Variants in C5orf63 observed in about 807,000 individuals in gnomAD.
C5orf63 encodes the protein chromosome 5 open reading frame 63, also known as glutaredoxin-like protein C5orf63.
In C5orf63, 18 loss-of-function variants were observed where a neutral mutation model predicts 13.3. That is an observed-to-expected ratio of 1.36 (90% CI 0.94 to 2.01). The LOEUF (loss-of-function observed/expected upper bound fraction) is 2.01. Ranked by LOEUF, C5orf63 falls within the 30% of genes most tolerant of loss-of-function variation. The probability of loss-of-function intolerance (pLI) is 0.00; values close to 1 mark genes in which losing one functional copy is unlikely to be tolerated. For synonymous variants in C5orf63, 38 were observed against 44.7 expected (o/e 0.85, Z 0.60); for missense variants, 118 against 127.7 (o/e 0.92, Z 0.36).
At chr5:127,072,989 T>TTTCA (rs1410606346) in intron 1 of C5orf63, 1 of 152,202 alleles carries the variant, frequency 6.6e-6, no homozygotes, top group Non-Finnish European at 1.5e-5. Flanking sequence ...CTGCTGCACC[T>TTTCA]TTCAACCTTT....
At chr5:127,064,899 T>G (rs1365543768) in intron 2 of C5orf63, among the ~76,000 whole-genome samples, 1 of 152,220 alleles carries the variant, frequency 6.6e-6, no homozygotes, top group Non-Finnish European at 1.5e-5. Flanking sequence ...GATGACAATT[T>G]CACTGAAGGT....
chr5:127,070,455 C>T (rs1354776673), intron 2 of C5orf63, among the ~76,000 whole-genome samples: 1 of 152,120 alleles, frequency 6.6e-6, no homozygotes, highest in African/African-American at 2.4e-5. Flanking sequence ...TGCTGCAATC[C>T]CATTGGCAAC....
intron 2 of C5orf63, among the ~76,000 whole-genome samples, chr5:127,070,987 T>C (rs1754516149): frequency 6.6e-6 from 1 of 152,250 alleles, no homozygotes; most frequent in Admixed American, 6.5e-5. Flanking sequence ...GACTGCTTTA[T>C]ATTCTTTTCA....
intron 2 of C5orf63, among the ~76,000 whole-genome samples, chr5:127,066,994 G>A (rs769614183): frequency 6.6e-6 from 1 of 152,208 alleles, no homozygotes; most frequent in Non-Finnish European, 1.5e-5. Flanking sequence ...AACAGGGACA[G>A]TGAAACAATC....
downstream of C5orf63, among the ~76,000 whole-genome samples, chr5:127,049,759 A>G (rs574153930): frequency 2.6e-5 from 4 of 152,374 alleles, no homozygotes; most frequent in East Asian, 3.9e-4. Flanking sequence ...TCTGTAAACC[A>G]GAAGTCTATG....
At chr5:127,073,036 T>C (rs1428661700) in intron 1 of C5orf63, 1 of 152,202 alleles carries the variant, frequency 6.6e-6, no homozygotes, top group Non-Finnish European at 1.5e-5. Flanking sequence ...TGCTCAAAAA[T>C]ATTTATTTAA....
downstream of C5orf63, chr5:127,047,385 T>C (rs1561486635): frequency 3.5e-6 from 1 of 288,042 alleles, no homozygotes; most frequent in Non-Finnish European, 6.4e-6. Flanking sequence ...ATAACACTGA[T>C]ACTTGACAGT....
chr5:127,045,968 C>T (rs916493485), exon 5 of C5orf63: 1 of 152,196 alleles, frequency 6.6e-6, no homozygotes, highest in Non-Finnish European at 1.5e-5. Flanking sequence ...TCTCATTTTC[C>T]TTCACTAGCA....
Position 127,052,642 on chromosome 5 carries a change from T to C in C5orf63, c.142A>G (p.Lys48Glu), listed in dbSNP as rs1193324708. 3 of 1,509,878 alleles carry C rather than the reference T, an allele frequency of 2.0e-6. No homozygotes were observed. The highest frequency in any genetic ancestry group is 2.6e-6 in the Non-Finnish European group (3 of 1,137,658). 93.5% of individuals were successfully genotyped at this position (1,509,878 alleles called of 1,614,324 possible). A position where few individuals can be genotyped will look rare whatever the true frequency, so the allele number is the denominator to read the frequency against. The change falls in exon 4 of 5, where the codon AAG (lysine) becomes GAG (glutamate). Residue 48 changes from lysine (K) to glutamate (E), a missense_variant. Transcript: ENST00000296662. ...TTTTCATAAGGCTTGAGTACTTCCT[T>C]GGCTTCATCACAAAGGGGGCATGGG... ...KDPCPLCDEA[K>E]EVLKPYENRF...
chr5:127,046,793 T>C (rs1253727346), downstream of C5orf63: 1 of 152,276 alleles, frequency 6.6e-6, no homozygotes, highest in Non-Finnish European at 1.5e-5. Flanking sequence ...GGGTGCTGTA[T>C]TGCTGAACAG....
At chr5:127,043,965 G>A (rs539094199), downstream of C5orf63, 4 of 152,294 alleles carry the variant, frequency 2.6e-5, no homozygotes, top group East Asian at 7.7e-4. Flanking sequence ...TTGTTGTGAG[G>A]ACTCAGGACC....
At chr5:127,061,011 A>G (rs1754084610) in intron 2 of C5orf63, among the ~76,000 whole-genome samples, 4 of 152,212 alleles carry the variant, frequency 2.6e-5, no homozygotes, top group Admixed American at 2.6e-4. Flanking sequence ...TGTATGTTAA[A>G]AGTATTGAAG....
chr5:127,046,966 C>T (rs1317206959), downstream of C5orf63: 3 of 152,192 alleles, frequency 2.0e-5, no homozygotes, highest in African/African-American at 7.2e-5. Flanking sequence ...TTTAATTGTA[C>T]TTCTGAAGCC....
chr5:127,053,316 G>T (rs761248223), intron 3 of C5orf63, among the ~76,000 whole-genome samples: 10 of 152,062 alleles, frequency 6.6e-5, no homozygotes, highest in Non-Finnish European at 1.3e-4. Flanking sequence ...AAACCATCTA[G>T]CAGAGAAGTC....
chr5:127,067,954 T>C (rs1754391141), intron 2 of C5orf63, among the ~76,000 whole-genome samples: 1 of 152,330 alleles, frequency 6.6e-6, no homozygotes, highest in Non-Finnish European at 1.5e-5. Context: ...TAGTTCTTCA[T>C]TTTGAGCTTT....
intron 2 of C5orf63, 122 bp from the exon 3 acceptor site, chr5:127,059,124 A>C (rs982142980): frequency 4.4e-6 from 3 of 677,150 alleles, no homozygotes; most frequent in Non-Finnish European, 5.1e-6. Context: ...CTTCAAGTCC[A>C]GGAGTGTTGG....
chr5:127,053,588 C>T (rs1018593744), intron 3 of C5orf63, among the ~76,000 whole-genome samples: 17 of 152,112 alleles, frequency 1.1e-4, no homozygotes, highest in Non-Finnish European at 2.1e-4. Flanking sequence ...CCCTGCTCCC[C>T]GCACCCCACG....
At chr5:127,060,525 A>G (rs1372837622) in intron 2 of C5orf63, among the ~76,000 whole-genome samples, 3 of 152,192 alleles carry the variant, frequency 2.0e-5, no homozygotes, top group Admixed American at 1.3e-4. Flanking sequence ...ACACATGTGC[A>G]CTATTGGCTT....
chr5:127,059,358 G>C (rs1483653167), intron 2 of C5orf63, among the ~76,000 whole-genome samples: 1 of 151,810 alleles, frequency 6.6e-6, no homozygotes, highest in African/African-American at 2.4e-5. Context: ...GAGGTTTCCT[G>C]AGATGGCTTT....
Sources: allele counts gnomAD v4.1 joint callset (sites outside exome capture counted in the v4.1 genomes callset), GRCh38; gene constraint gnomAD v4.1.1; transcripts MANE v1.5; gene names NCBI Gene and HGNC (gene_info 2026-07-23, HGNC 2026-07-21).